The following TARP variants were observed in gnomAD, a reference collection of about 807,000 sequenced individuals.
the TARP span, among the ~76,000 whole-genome samples, chr7:38,272,229 C>T: frequency 1.3e-5 from 2 of 150,532 alleles, no homozygotes; most frequent in African/African-American, 2.4e-5. Flanking sequence ...AAAGACCTTT[C>T]GTGGGTAGTA....
At chr7:38,265,349 C>T in the TARP span, 2 of 1,602,818 alleles carry the variant, frequency 1.2e-6, no homozygotes, top group Admixed American at 1.7e-5. Flanking sequence ...AAACACATAC[C>T]TGTCTTTATT....
At chr7:38,267,197 C>A in the TARP span, among the ~76,000 whole-genome samples, 7 of 151,640 alleles carry the variant, frequency 4.6e-5, no homozygotes, top group Non-Finnish European at 7.4e-5. Flanking sequence ...TCATCTTAGC[C>A]TGCTGAATAA....
chr7:38,269,874 A>G, the TARP span, among the ~76,000 whole-genome samples: 1 of 151,940 alleles, frequency 6.6e-6, no homozygotes, highest in East Asian at 1.9e-4. Flanking sequence ...CTGAGGTGGG[A>G]GGATTGCTTG....
chr7:38,263,033 A>C, the TARP span, among the ~76,000 whole-genome samples: 1 of 151,582 alleles, frequency 6.6e-6, no homozygotes, highest in East Asian at 1.9e-4. Context: ...AAAATTTCTC[A>C]TCTAAGCAAA....
chr7:38,266,798 T>C, the TARP span, among the ~76,000 whole-genome samples: 16 of 151,920 alleles, frequency 1.1e-4, no homozygotes, highest in Non-Finnish European at 1.8e-4. Flanking sequence ...TGCAGCAGTA[T>C]TTACAGCTGT....
At chr7:38,267,228 A>G in the TARP span, among the ~76,000 whole-genome samples, 5 of 151,870 alleles carry the variant, frequency 3.3e-5, no homozygotes, top group African/African-American at 7.3e-5. Flanking sequence ...TAATTGCTCT[A>G]TTAAAAGTCA....
chr7:38,266,964 A>C, the TARP span, among the ~76,000 whole-genome samples: 2 of 151,914 alleles, frequency 1.3e-5, no homozygotes, highest in Non-Finnish European at 2.9e-5. Context: ...TTCAGAAAAT[A>C]TTCACCAAAA....
chr7:38,265,508 G>A, the TARP span: 7 of 1,611,986 alleles, frequency 4.3e-6, no homozygotes, highest in Non-Finnish European at 5.9e-6. Context: ...TTCCCCTCCT[G>A]GGATCCCAGA....
At chr7:38,269,337 G>T in the TARP span, among the ~76,000 whole-genome samples, 1 of 151,782 alleles carries the variant, frequency 6.6e-6, no homozygotes, top group South Asian at 2.1e-4. Flanking sequence ...TTCTCTTTTA[G>T]TATGAGCGTT....
At chr7:38,264,188 C>T in the TARP span, among the ~76,000 whole-genome samples, 2 of 151,832 alleles carry the variant, frequency 1.3e-5, no homozygotes, top group African/African-American at 4.8e-5. Flanking sequence ...ATATTTTTAG[C>T]TTTTCTCAGA....
the TARP span, among the ~76,000 whole-genome samples, chr7:38,267,313 T>G: frequency 6.6e-6 from 1 of 151,978 alleles, no homozygotes; most frequent in Non-Finnish European, 1.5e-5. Flanking sequence ...GGCATATCAC[T>G]TGAATCTGGA....
At chr7:38,270,222 C>A in the TARP span, among the ~76,000 whole-genome samples, 1 of 151,966 alleles carries the variant, frequency 6.6e-6, no homozygotes, top group Non-Finnish European at 1.5e-5. Context: ...TAGGACCAAG[C>A]ATTGCCCTTA....
the TARP span, among the ~76,000 whole-genome samples, chr7:38,260,888 T>C: frequency 6.6e-6 from 1 of 151,756 alleles, no homozygotes; most frequent in African/African-American, 2.4e-5. Flanking sequence ...CCCCTTGGTA[T>C]TGGAAATAGA....
chr7:38,273,607 C>T, the TARP span: 1 of 1,597,972 alleles, frequency 6.3e-7, no homozygotes, highest in South Asian at 1.1e-5. Flanking sequence ...AAGCTTTGTT[C>T]CGGGACCAAA....
the TARP span, among the ~76,000 whole-genome samples, chr7:38,272,224 C>A: frequency 6.6e-6 from 1 of 150,536 alleles, no homozygotes; most frequent in Admixed American, 6.7e-5. Flanking sequence ...TGTATAAAGA[C>A]CTTTCGTGGG....
chr7:38,264,778 G>T, the TARP span, among the ~76,000 whole-genome samples: 1 of 151,406 alleles, frequency 6.6e-6, no homozygotes, highest in Non-Finnish European at 1.5e-5. Context: ...TTGCACATTT[G>T]CCTCCCCTTT....
At chr7:38,270,870 T>C in the TARP span, among the ~76,000 whole-genome samples, 1 of 151,370 alleles carries the variant, frequency 6.6e-6, no homozygotes, top group Admixed American at 6.6e-5. Context: ...CTGCCCACTC[T>C]TCCATTTCCT....
the TARP span, among the ~76,000 whole-genome samples, chr7:38,272,142 C>T: frequency 6.6e-6 from 1 of 150,908 alleles, no homozygotes; most frequent in African/African-American, 2.4e-5. Context: ...AAGCATTTTA[C>T]AAATAGTGAT....
At chr7:38,266,724 C>T in the TARP span, among the ~76,000 whole-genome samples, 2 of 151,726 alleles carry the variant, frequency 1.3e-5, no homozygotes, top group Non-Finnish European at 2.9e-5. Flanking sequence ...GAGCAGTCCC[C>T]CTAGTTAATA....
Sources: allele counts gnomAD v4.1 joint callset (sites outside exome capture counted in the v4.1 genomes callset), GRCh38; gene constraint gnomAD v4.1.1; transcripts MANE v1.5.